Variants in VPS13B observed in about 807,000 individuals in gnomAD.
VPS13B encodes the protein intermembrane lipid transfer protein VPS13B.
In VPS13B, 285 loss-of-function variants were observed where a neutral mutation model predicts 426.4. That is an observed-to-expected ratio of 0.67 (90% CI 0.61 to 0.74). The LOEUF is 0.74. VPS13B is among the 30% of genes least tolerant of loss of function. VPS13B has a pLI of 0.00. For synonymous variants in VPS13B, 1,676 were observed against 1,676.4 expected, an observed-to-expected ratio of 1.00 and a Z score of 0.01; for missense variants, 4,537 against 4,782.6, an observed-to-expected ratio of 0.95 and a Z score of 1.51.
At chr8:99,021,593 C>T (rs75101219) in intron 2 of VPS13B, among the ~76,000 whole-genome samples, 1 of 151,364 alleles carries the variant, frequency 6.6e-6, no homozygotes, top group Non-Finnish European at 1.5e-5. Flanking sequence ...TGCACTCCAG[C>T]CTGGGCAACA....
intron 39 of VPS13B, among the ~76,000 whole-genome samples, chr8:99,741,493 C>T: frequency 6.6e-6 from 1 of 152,116 alleles, no homozygotes; most frequent in Non-Finnish European, 1.5e-5. Context: ...ATCTACAGAA[C>T]TCTCCACCCC....
At chr8:99,114,111 A>G (rs1490823016) in intron 6 of VPS13B, among the ~76,000 whole-genome samples, 1 of 150,396 alleles carries the variant, frequency 6.6e-6, no homozygotes, top group Admixed American at 6.6e-5. Context: ...TTCCTGAGTA[A>G]TTCCTTAGGA....
chr8:99,079,301 A>T (rs1325782669), intron 3 of VPS13B, among the ~76,000 whole-genome samples: 2 of 151,926 alleles, frequency 1.3e-5, no homozygotes, highest in African/African-American at 4.8e-5. Context: ...GGTGTGTCTG[A>T]TTATCAATGA....
At chr8:99,042,533 A>C (rs72668495) in intron 3 of VPS13B, among the ~76,000 whole-genome samples, 4,774 of 152,320 alleles carry the variant, frequency 0.031, 113 homozygotes, top group South Asian at 0.075. Flanking sequence ...ATTTTAAACA[A>C]GAAAGTGAAA....
At chr8:99,844,363 CTT>C (rs71572047) in intron 54 of VPS13B, among the ~76,000 whole-genome samples, 19 of 130,976 alleles carry the variant, frequency 1.5e-4, no homozygotes, top group Admixed American at 2.3e-4. Context: ...CTTTCTCAGG[CTT>C]TTTTTTTTTT....
At chr8:99,265,399 C>T (rs1048166510) in intron 17 of VPS13B, among the ~76,000 whole-genome samples, 1 of 152,072 alleles carries the variant, frequency 6.6e-6, no homozygotes, top group African/African-American at 2.4e-5. Flanking sequence ...GAGAGAAAGC[C>T]GTCCATTTCC....
At chr8:99,394,322 C>T (rs574438463) in intron 21 of VPS13B, among the ~76,000 whole-genome samples, 2 of 152,216 alleles carry the variant, frequency 1.3e-5, no homozygotes, top group African/African-American at 4.8e-5. Flanking sequence ...AATACAAAGA[C>T]CTGCTGATAC....
chr8:99,318,016 GCTTTA>G (rs1255854180), intron 19 of VPS13B, among the ~76,000 whole-genome samples: 3 of 152,036 alleles, frequency 2.0e-5, no homozygotes, highest in South Asian at 2.1e-4. Context: ...CCTTTAGAAA[GCTTTA>G]CTTTACTGTT....
intron 21 of VPS13B, among the ~76,000 whole-genome samples, chr8:99,409,053 C>T (rs1815482203): frequency 6.6e-6 from 1 of 152,122 alleles, no homozygotes; most frequent in Non-Finnish European, 1.5e-5. Context: ...ATTACTGAGT[C>T]CACAGTATGA....
At chr8:99,561,009 A>G (rs939797235) in intron 31 of VPS13B, among the ~76,000 whole-genome samples, 1 of 152,134 alleles carries the variant, frequency 6.6e-6, no homozygotes, top group Admixed American at 6.6e-5. Context: ...GTATGTGTGT[A>G]TGTGTTTTAA....
chr8:99,378,080 C>T (rs935043431), intron 19 of VPS13B, among the ~76,000 whole-genome samples: 8 of 150,990 alleles, frequency 5.3e-5, no homozygotes, highest in African/African-American at 1.9e-4. Context: ...GGACGTGTTT[C>T]ATCCCTTACC....
In VPS13B at chr8:99,721,048, G is replaced by A. The variant is rs1057516840; in HGVS notation, c.7050+1G>A. ...AGCAGACCTTGGTGATGTGCTACAG[G>A]TATGTAATGACCATTCATTGTAAAA... On this transcript the variant is annotated splice_donor_variant, in intron 39 of 61. Coordinates refer to ENST00000357162, the MANE Select transcript of VPS13B (RefSeq NM_152564.5). LOFTEE classifies it high-confidence loss of function. The A allele has an allele frequency of 6.2e-7, 1 of 1,613,844 alleles. No individual in the cohort carries two copies. Among genetic ancestry groups the A allele is most frequent in the East Asian group, 2.2e-5 (1 of 44,858 alleles).
At chr8:99,583,088 T>C (rs1045852763) in intron 33 of VPS13B, among the ~76,000 whole-genome samples, 4 of 152,204 alleles carry the variant, frequency 2.6e-5, no homozygotes, top group Non-Finnish European at 4.4e-5. Flanking sequence ...GTAAAACTTA[T>C]CGAATAGCAT....
chr8:99,681,281 A>C (rs1831144824), intron 35 of VPS13B, among the ~76,000 whole-genome samples: 1 of 152,270 alleles, frequency 6.6e-6, no homozygotes, highest in Admixed American at 6.5e-5. Context: ...AATATAGCCT[A>C]ATTTCAACTG....
chr8:99,493,780 T>TAAAA (rs376555643), intron 25 of VPS13B, among the ~76,000 whole-genome samples: 22 of 60,924 alleles, frequency 3.6e-4, no homozygotes, highest in South Asian at 5.4e-4. Flanking sequence ...AGACTCTATC[T>TAAAA]AAAAAAAAAA....
chr8:99,840,195 G>C (rs1425907798), intron 54 of VPS13B, among the ~76,000 whole-genome samples: 5 of 152,224 alleles, frequency 3.3e-5, no homozygotes, highest in Admixed American at 3.3e-4. Context: ...CATTAATAAA[G>C]TAAAAGATAG....
intron 44 of VPS13B, among the ~76,000 whole-genome samples, chr8:99,810,692 G>C (rs908844565): frequency 6.6e-6 from 1 of 152,190 alleles, no homozygotes; most frequent in African/African-American, 2.4e-5. Flanking sequence ...AAAACACCAA[G>C]TATGTGAAAC....
Position 99,661,405 on chromosome 8 carries a change from A to G in VPS13B, c.5960A>G (p.Gln1987Arg). The change falls in exon 35 of 62, where the codon CAG becomes CGG. Residue 1987 changes from glutamine to arginine, a missense_variant. By Grantham distance (43) the Gln-to-Arg change is conservative. Transcript: ENST00000357162. ...CTTGATTATTGCACTGTTTGGCTAC[A>G]GACAGTGCCTGGAGAAATAGACAGC... The part of the protein sequence containing the change: ...EALDYCTVWL[Q>R]TVPGEIDSKS... The G allele has an allele frequency of 1.2e-6, 2 of 1,613,832 alleles. No homozygotes were observed. The highest frequency in any genetic ancestry group is 1.7e-6 in the Non-Finnish European group (2 of 1,179,858).
chr8:99,137,308 G>A (rs1406879428), intron 12 of VPS13B, among the ~76,000 whole-genome samples: 1 of 149,990 alleles, frequency 6.7e-6, no homozygotes, highest in East Asian at 2.0e-4. Context: ...TCTTTTTTAT[G>A]TTGAAAAGTT....
Sources: allele counts gnomAD v4.1 joint callset (sites outside exome capture counted in the v4.1 genomes callset), GRCh38; gene constraint gnomAD v4.1.1; transcripts MANE v1.5; gene names NCBI Gene and HGNC (gene_info 2026-07-23, HGNC 2026-07-21).